Variants in XYLT1 observed in about 807,000 individuals in gnomAD.
The protein encoded by XYLT1 is beta-D-xylosyltransferase 1.
A neutral mutation model predicts 91.3 loss-of-function variants in XYLT1; 36 were observed. That is an observed-to-expected ratio of 0.39 (90% confidence interval 0.30 to 0.52). The LOEUF is 0.52. Ranked by LOEUF, XYLT1 falls within the 20% of genes least tolerant of loss-of-function variation. The pLI is 0.68. For missense variants in XYLT1, 1,242 were observed against 1,284.5 expected (o/e 0.97, Z 0.51); for synonymous variants, 588 against 532.0 (o/e 1.11, Z -1.45).
At chr16:17,224,241 G>A (rs2033023654) in intron 3 of XYLT1, among the ~76,000 whole-genome samples, 1 of 152,190 alleles carries the variant, frequency 6.6e-6, no homozygotes, top group Non-Finnish European at 1.5e-5. Flanking sequence ...ACGGACAGGA[G>A]GAAAAGCAAG....
chr16:17,278,966 G>A (rs1391461539), intron 2 of XYLT1, among the ~76,000 whole-genome samples: 1 of 152,176 alleles, frequency 6.6e-6, no homozygotes, highest in Non-Finnish European at 1.5e-5. Context: ...TTGGGCTTTA[G>A]GAAGAGAAGC....
chr16:17,193,753 A>T (rs2032370292), intron 5 of XYLT1: 1 of 152,368 alleles, frequency 6.6e-6, no homozygotes, highest in African/African-American at 2.4e-5. Context: ...GGGGCGGCAG[A>T]TGGAAACTGA....
intron 1 of XYLT1, among the ~76,000 whole-genome samples, chr16:17,369,958 C>T (rs2035509067): frequency 6.6e-6 from 1 of 152,216 alleles, no homozygotes; most frequent in African/African-American, 2.4e-5. Context: ...AAGCCCAGCT[C>T]TCCTTCTGTT....
intron 1 of XYLT1, among the ~76,000 whole-genome samples, chr16:17,442,614 G>C (rs1241529612): frequency 6.6e-6 from 1 of 152,142 alleles, no homozygotes; most frequent in Non-Finnish European, 1.5e-5. Flanking sequence ...AGGTTCCACA[G>C]CTCTGGATTC....
At chr16:17,180,320 A>G (rs966590996) in intron 5 of XYLT1, among the ~76,000 whole-genome samples, 8 of 152,204 alleles carry the variant, frequency 5.3e-5, no homozygotes, top group Non-Finnish European at 1.2e-4. Flanking sequence ...CAGAGAATGC[A>G]TTGTTTAAAG....
intron 9 of XYLT1, among the ~76,000 whole-genome samples, chr16:17,129,936 C>G (rs1242264239): frequency 6.6e-6 from 1 of 152,208 alleles, no homozygotes; most frequent in East Asian, 1.9e-4. Context: ...TTTTCTACCT[C>G]TGGAATCTTC....
chr16:17,149,086 A>G (rs988750950), intron 6 of XYLT1, among the ~76,000 whole-genome samples: 2 of 152,224 alleles, frequency 1.3e-5, no homozygotes, highest in African/African-American at 2.4e-5. Flanking sequence ...CTGAGCATCA[A>G]AGTAAATCAG....
At chr16:17,372,286 ATTATC>A (rs760390911) in intron 1 of XYLT1, among the ~76,000 whole-genome samples, 7 of 152,210 alleles carry the variant, frequency 4.6e-5, no homozygotes, top group Non-Finnish European at 7.4e-5. Context: ...CTCAGGGACA[ATTATC>A]TTATTACTAG....
At chr16:17,373,304 G>A (rs998686688) in intron 1 of XYLT1, among the ~76,000 whole-genome samples, 6 of 152,108 alleles carry the variant, frequency 3.9e-5, no homozygotes, top group Admixed American at 2.6e-4. Flanking sequence ...TACAGTGCTC[G>A]GGCCACTGAC....
intron 3 of XYLT1, among the ~76,000 whole-genome samples, chr16:17,208,782 TGGCACAATCTC>T (rs1198841761): frequency 6.6e-6 from 1 of 152,196 alleles, no homozygotes; most frequent in Admixed American, 6.5e-5. Context: ...TGGAGTGCTG[TGGCACAATCTC>T]GGCTCACTGC....
chr16:17,307,939 AG>A (rs771872658), intron 2 of XYLT1, among the ~76,000 whole-genome samples: 7 of 152,148 alleles, frequency 4.6e-5, no homozygotes, highest in Non-Finnish European at 8.8e-5. Context: ...TAAAATAAAG[AG>A]TCTCAAAAAT....
intron 1 of XYLT1, among the ~76,000 whole-genome samples, chr16:17,402,493 A>G (rs1175291384): frequency 6.6e-6 from 1 of 152,190 alleles, no homozygotes; most frequent in Non-Finnish European, 1.5e-5. Context: ...ATAGTTTACA[A>G]CATGAGAAAA....
rs2034563937 is a variant in XYLT1 at position 17,312,349 on chromosome 16, C to T, written c.402+45663G>A. ...CCTGCTGGCATAGTACTGTGAAGGACTCAATGAAACATCCCTGAAATCCTC... is the reference window on the plus strand; with the variant it reads ...CCTGCTGGCATAGTACTGTGAAGGATTCAATGAAACATCCCTGAAATCCTC... On this transcript the variant is annotated intron_variant, in intron 2 of 11. Transcript: ENST00000261381. The surrounding 1 kb of genome is among the most constrained non-coding windows in gnomAD (Gnocchi z 4.4). Among the ~76,000 whole-genome samples the T allele has an allele frequency of 6.6e-6, 1 of 152,170 alleles. No individual in the cohort carries two copies. Among genetic ancestry groups the T allele is most frequent in the African/African-American group, 2.4e-5 (1 of 41,442 alleles).
chr16:17,412,249 T>C lies in XYLT1; in HGVS notation c.364-54199A>G, dbSNP rs560590617. 7.2e-5 allele frequency among the ~76,000 whole-genome samples: 11 copies of C among 152,122 alleles called. No homozygotes were observed. The South Asian group carries it at 2.3e-3, about 32-fold the overall frequency. On this transcript the variant is annotated intron_variant, in intron 1 of 11. Transcript: ENST00000261381. Reference sequence around the variant, plus strand: ...TCTCACAGCCACCGTGCAGCCCAGGTCCATGTGCATGATTCACACGAGAAA... The same window carrying C: ...TCTCACAGCCACCGTGCAGCCCAGGCCCATGTGCATGATTCACACGAGAAA...
chr16:17,230,358 C>T (rs1019741761), intron 3 of XYLT1, among the ~76,000 whole-genome samples: 1 of 152,172 alleles, frequency 6.6e-6, no homozygotes, highest in Non-Finnish European at 1.5e-5. Context: ...CACTTTCTCC[C>T]TTGCATTGCT....
chr16:17,353,007 G>A (rs1411818387), intron 2 of XYLT1, among the ~76,000 whole-genome samples: 1 of 152,186 alleles, frequency 6.6e-6, no homozygotes, highest in African/African-American at 2.4e-5. Flanking sequence ...TGCTACAGGA[G>A]CCCTGTTCAC....
intron 5 of XYLT1, among the ~76,000 whole-genome samples, chr16:17,182,660 G>A (rs1250656108): frequency 1.5e-5 from 2 of 131,290 alleles, no homozygotes; most frequent in African/African-American, 2.8e-5. Context: ...AGTTTGCTTT[G>A]ATTTTGCTTT....
rs146877799 is a variant in XYLT1, at chr16:17,347,614, C to G, written c.402+10398G>C. Among the ~76,000 whole-genome samples, 485 of 152,310 alleles carry G rather than the reference C, an allele frequency of 3.2e-3. 11 individuals are homozygous for G. The highest frequency in any genetic ancestry group is 0.029 in the Admixed American group (445 of 15,306). On this transcript the variant is annotated intron_variant, in intron 2 of 11. Transcript: ENST00000261381. ...CATTCAGTTTCAAGAGCTTCACTGT[C>G]CCATGGTCTCCATTCTGGGACCTCT...
At chr16:17,329,253 A>G (rs2034860660) in intron 2 of XYLT1, among the ~76,000 whole-genome samples, 1 of 152,204 alleles carries the variant, frequency 6.6e-6, no homozygotes, top group African/African-American at 2.4e-5. Context: ...CTCTGCCACA[A>G]GGAACATGGG....
Sources: allele counts gnomAD v4.1 joint callset (sites outside exome capture counted in the v4.1 genomes callset), GRCh38; gene constraint gnomAD v4.1.1; non-coding constraint Gnocchi (gnomAD v3.1); transcripts MANE v1.5; gene names NCBI Gene and HGNC (gene_info 2026-07-23, HGNC 2026-07-21).